Variants in TAX1BP1 observed in about 807,000 individuals in gnomAD.
TAX1BP1 encodes the protein tax1-binding protein 1.
A neutral mutation model predicts 97.7 loss-of-function variants in TAX1BP1; 62 were observed. The ratio of observed to expected loss-of-function variants is 0.63; its 90% CI spans 0.52 to 0.78. The LOEUF is 0.78. Ranked by LOEUF, TAX1BP1 falls within the 30% of genes least tolerant of loss-of-function variation. TAX1BP1 has a pLI of 0.00. For missense variants in TAX1BP1, 867 were observed against 916.1 expected, an observed-to-expected ratio of 0.95 and a Z score of 0.69; for synonymous variants, 340 against 304.2, an observed-to-expected ratio of 1.12 and a Z score of -1.23.
chr7:27,739,568 G>T (rs1583653991), upstream of TAX1BP1: 1 of 152,260 alleles, frequency 6.6e-6, no homozygotes, highest in South Asian at 2.1e-4. Flanking sequence ...ACAGAAATGC[G>T]GCTAGAAAAG....
chr7:27,814,959 G>A (rs548484586), intron 13 of TAX1BP1, among the ~76,000 whole-genome samples: 1 of 152,140 alleles, frequency 6.6e-6, no homozygotes, highest in South Asian at 2.1e-4. Flanking sequence ...GGATGGTCTT[G>A]ATCTCCTGAC....
intron 11 of TAX1BP1, 79 bp from the exon 12 acceptor site, chr7:27,796,037 C>A: frequency 9.7e-7 from 1 of 1,029,488 alleles, no homozygotes; most frequent in Non-Finnish European, 1.5e-6. Flanking sequence ...AGTATACTGA[C>A]CTTTAAGTTA....
chr7:27,790,910 T>C (rs183778797), intron 8 of TAX1BP1, among the ~76,000 whole-genome samples: 1 of 151,968 alleles, frequency 6.6e-6, no homozygotes, highest in Admixed American at 6.5e-5. Flanking sequence ...TTTTAACTTA[T>C]TTGTTTGATT....
At chr7:27,822,665 G>A (rs1006317388) in intron 15 of TAX1BP1, among the ~76,000 whole-genome samples, 1 of 152,156 alleles carries the variant, frequency 6.6e-6, no homozygotes, top group African/African-American at 2.4e-5. Flanking sequence ...AAGAATATCT[G>A]TTCAAATCCT....
Position 27,758,046 on chromosome 7 carries a change from G to C in TAX1BP1, c.178G>C (p.Ala60Pro). 6.2e-7 allele frequency: 1 copy of C among 1,610,626 alleles called. No individual in the cohort carries two copies. The highest frequency in any genetic ancestry group is 8.5e-7 in the Non-Finnish European group (1 of 1,178,522). The change falls in exon 3 of 17, where the codon GCT (alanine) becomes CCT (proline). Residue 60 changes from alanine to proline, a missense_variant. Physicochemically the swap from Ala to Pro is conservative, Grantham distance 27. Around this residue, in one of 3 missense-constraint regions of TAX1BP1, gnomAD observed 822 missense variants for 851.4 expected, o/e 0.97. Coordinates refer to ENST00000396319, the MANE Select transcript of TAX1BP1 (RefSeq NM_006024.7). The stretch of plus-strand genomic sequence containing the variant: ...TTCCCTTTAGGTTGGATGGAGTACT[G>C]CTCGTGATTATTACACGTTTTTATG... ...VGIFKVGWST[A>P]RDYYTFLWSP...
chr7:27,767,742 A>G (rs1788695049), intron 4 of TAX1BP1, among the ~76,000 whole-genome samples: 1 of 152,064 alleles, frequency 6.6e-6, no homozygotes, highest in Non-Finnish European at 1.5e-5. Flanking sequence ...TTTATCTTGT[A>G]CTTTTTCTTC....
intron 7 of TAX1BP1, among the ~76,000 whole-genome samples, chr7:27,786,231 A>T (rs192035701): frequency 0.011 from 1,598 of 150,718 alleles, 23 homozygotes; most frequent in African/African-American, 0.035. Flanking sequence ...TCTCGGGTTC[A>T]CGCCATTCTC....
chr7:27,767,829 T>G (rs1352383792), intron 4 of TAX1BP1, among the ~76,000 whole-genome samples: 1 of 152,090 alleles, frequency 6.6e-6, no homozygotes, highest in Non-Finnish European at 1.5e-5. Flanking sequence ...AATGTGAAAA[T>G]TGCTGTTTCT....
intron 13 of TAX1BP1, among the ~76,000 whole-genome samples, chr7:27,812,621 C>G (rs1320168849): frequency 6.6e-6 from 1 of 152,012 alleles, no homozygotes; most frequent in Non-Finnish European, 1.5e-5. Context: ...TTTTAGCTCT[C>G]TTACTTTAGA....
chr7:27,768,195 G>C (rs1788713314), intron 4 of TAX1BP1, among the ~76,000 whole-genome samples: 5 of 151,960 alleles, frequency 3.3e-5, no homozygotes, highest in Admixed American at 3.3e-4. Flanking sequence ...TAGGAGTGAA[G>C]TGTCTGCAAT....
intron 11 of TAX1BP1, among the ~76,000 whole-genome samples, 164 bp downstream of exon 11, chr7:27,794,610 C>T (rs571455518): frequency 6.6e-6 from 1 of 152,118 alleles, no homozygotes; most frequent in Non-Finnish European, 1.5e-5. Flanking sequence ...AAAATAGAGT[C>T]ATGCAAGTGG....
At chr7:27,774,210 T>C (rs1402287855) in intron 5 of TAX1BP1, among the ~76,000 whole-genome samples, 1 of 151,338 alleles carries the variant, frequency 6.6e-6, no homozygotes, top group South Asian at 2.1e-4. Flanking sequence ...ATCTTTATCT[T>C]TTTGGCTGTT....
intron 8 of TAX1BP1, among the ~76,000 whole-genome samples, chr7:27,789,617 C>G (rs1021102149): frequency 6.6e-6 from 1 of 151,732 alleles, no homozygotes; most frequent in Admixed American, 6.6e-5. Context: ...TTGCTAGTTA[C>G]TCCATATCAG....
chr7:27,787,773 C>A (rs1789542732), intron 8 of TAX1BP1, among the ~76,000 whole-genome samples, 170 bp downstream of exon 8: 1 of 152,006 alleles, frequency 6.6e-6, no homozygotes, highest in Non-Finnish European at 1.5e-5. Context: ...AAATATTTTG[C>A]CATTCTTTGT....
Position 27,827,773 on chromosome 7 carries a change from A to C in TAX1BP1, c.2121A>C (p.Pro707=), listed in dbSNP as rs779244917. 9.9e-6 allele frequency: 16 copies of C among 1,614,010 alleles called. No individual in the cohort carries two copies. Among genetic ancestry groups the C allele is most frequent in the Non-Finnish European group, 1.3e-5 (15 of 1,179,918 alleles). The change falls in exon 16 of 17, where the codon CCA becomes CCC. Residue 707 remains proline, a synonymous_variant. Coordinates refer to ENST00000396319, the MANE Select transcript of TAX1BP1 (RefSeq NM_006024.7). ...DENVPTAPDP[P]SQHLRGHGTG... ...ATGTGCCTACTGCTCCTGATCCTCC[A>C]AGTCAACATTTACGTGGGCATGGGA...
At chr7:27,766,599 G>A (rs558583603) in intron 4 of TAX1BP1, among the ~76,000 whole-genome samples, 5 of 151,968 alleles carry the variant, frequency 3.3e-5, no homozygotes, top group African/African-American at 1.2e-4. Context: ...CTTATTTTGC[G>A]CATAGTGGAT....
At chr7:27,794,501 A>AC in intron 11 of TAX1BP1, 55 bp downstream of exon 11, 1 of 1,485,278 alleles carries the variant, frequency 6.7e-7, no homozygotes, top group South Asian at 1.5e-5. Flanking sequence ...AAGTACTTAT[A>AC]CTGCCTTCTT....
rs1203407448 is a variant in TAX1BP1 at position 27,803,249 on chromosome 7, GAC to G, written c.1764+3163_1764+3164del. ...GAATAATAATAGAGCTTTATGAAGA[GAC>G]ACATTTTGAAGTTCATGTGACAGTA... On this transcript the variant is annotated intron_variant, in intron 13 of 16. Transcript: ENST00000396319. The G allele has an allele frequency of 4.5e-6, 6 of 1,322,318 alleles. No individual in the cohort carries two copies. In the African/African-American group the frequency reaches 7.5e-5, roughly 17 times the overall value. The allele number at this position is 1,322,318 out of a possible 1,614,324, so 81.9% of individuals were successfully genotyped here.
chr7:27,768,779 C>G (rs932274373), intron 4 of TAX1BP1, among the ~76,000 whole-genome samples: 1 of 152,066 alleles, frequency 6.6e-6, no homozygotes. Context: ...AAGAGTCATT[C>G]AGAAAGTTTG....
Sources: gnomAD v4.1 joint callset for allele counts (sites outside exome capture counted in the v4.1 genomes callset) on GRCh38, gnomAD v4.1.1 for gene constraint, gnomAD v4.1.1 regional missense constraint, MANE v1.5 for transcripts, NCBI Gene and HGNC (gene_info 2026-07-23, HGNC 2026-07-21) for gene names.